SPA17: variants seen among roughly 807,000 people sequenced by gnomAD.
SPA17 encodes sperm autoantigenic protein 17.
A neutral mutation model predicts 13.8 loss-of-function variants in SPA17; 7 were observed. The observed-to-expected ratio is 0.51, with a 90% CI of 0.29 to 0.95. The LOEUF is 0.95. Ranked by LOEUF, SPA17 falls within the 40% of genes least tolerant of loss-of-function variation. The pLI is 0.08. For missense variants in SPA17, 170 were observed against 179.3 expected (o/e 0.95, Z 0.30); for synonymous variants, 61 against 59.0 (o/e 1.03, Z -0.16).
intron 4 of SPA17, among the ~76,000 whole-genome samples, chr11:124,693,562 A>G (rs1405370725): frequency 1.3e-5 from 2 of 152,152 alleles, no homozygotes; most frequent in Non-Finnish European, 2.9e-5. Context: ...CTCAACTCAT[A>G]ATAATGGGTA....
At chr11:124,680,198 G>A (rs904332758) in intron 2 of SPA17, among the ~76,000 whole-genome samples, 5 of 152,062 alleles carry the variant, frequency 3.3e-5, no homozygotes, top group African/African-American at 1.2e-4. Context: ...GATCATCAGG[G>A]GGCCGATAAA....
At chr11:124,688,497 T>TA (rs1943596007) in intron 3 of SPA17, among the ~76,000 whole-genome samples, 2 of 152,044 alleles carry the variant, frequency 1.3e-5, no homozygotes, top group Non-Finnish European at 1.5e-5. Flanking sequence ...ATAATAGCTT[T>TA]AAAAAACACA....
chr11:124,690,984 T>C (rs1393081682), intron 3 of SPA17, among the ~76,000 whole-genome samples: 1 of 152,234 alleles, frequency 6.6e-6, no homozygotes, highest in African/African-American at 2.4e-5. Context: ...TTTATCGAAG[T>C]CAAAGGAATA....
At chr11:124,687,096 G>A (rs1943584652) in intron 3 of SPA17, among the ~76,000 whole-genome samples, 2 of 152,154 alleles carry the variant, frequency 1.3e-5, no homozygotes, top group South Asian at 4.1e-4. Flanking sequence ...AAATGAAAAA[G>A]AAGACGTTAC....
intron 2 of SPA17, among the ~76,000 whole-genome samples, chr11:124,677,847 C>T (rs781071179): frequency 2.0e-5 from 3 of 152,160 alleles, no homozygotes; most frequent in Non-Finnish European, 4.4e-5. Flanking sequence ...AAACAATTCA[C>T]ACAAAAATGA....
rs1397670128 is a variant in SPA17 at position 124,696,120 on chromosome 11, G to C, written c.*1674G>C. ...TGCCACTGTAGAGAGTTTCATGCTA[G>C]CTAAACACAAGTCTCTAATATCCCC... On this transcript the variant is annotated 3_prime_UTR_variant, in exon 5 of 5. Transcript: ENST00000227135. 1.3e-5 allele frequency: 2 copies of C among 152,308 alleles called. No individual in the cohort carries two copies. The highest frequency in any genetic ancestry group is 3.9e-4 in the East Asian group (2 of 5,184). The allele number at this position is 152,308 out of a possible 1,614,324, so 9.4% of individuals were successfully genotyped here.
intron 4 of SPA17, among the ~76,000 whole-genome samples, chr11:124,693,512 A>G (rs969179932): frequency 2.6e-5 from 4 of 152,068 alleles, no homozygotes; most frequent in African/African-American, 9.7e-5. Flanking sequence ...ACCCATATGA[A>G]TATATTTGCA....
chr11:124,675,438 T>C lies in SPA17; in HGVS notation c.154+20T>C. 1 of 1,600,348 alleles carries C rather than the reference T, an allele frequency of 6.2e-7. No individual in the cohort carries two copies. Among genetic ancestry groups the C allele is most frequent in the Non-Finnish European group, 8.5e-7 (1 of 1,175,968 alleles). ...GAGAGAGTAAGCTTTCTAAAATTAG[T>C]CATTTTTTAAAATAAGAAACTAAGC... On this transcript the variant is annotated intron_variant, in intron 2 of 4. Coordinates refer to ENST00000227135, the MANE Select transcript of SPA17 (RefSeq NM_017425.4).
At chr11:124,689,724 C>T (rs1054646654) in intron 3 of SPA17, among the ~76,000 whole-genome samples, 3 of 150,796 alleles carry the variant, frequency 2.0e-5, no homozygotes, top group African/African-American at 7.3e-5. Context: ...CTGTAGTGCA[C>T]TCCAGCCTGG....
At chr11:124,685,734 G>A (rs1943572460) in intron 3 of SPA17, among the ~76,000 whole-genome samples, 1 of 152,178 alleles carries the variant, frequency 6.6e-6, no homozygotes, top group African/African-American at 2.4e-5. Flanking sequence ...CCATGGATTT[G>A]AGACATGGAC....
At position 124,696,165 on chromosome 11, in the gene SPA17, C is replaced by A. The variant is rs368169895; in HGVS notation, c.*1719C>A. 1 of 152,264 alleles carries A rather than the reference C, an allele frequency of 6.6e-6. No homozygotes were observed. Among genetic ancestry groups the A allele is most frequent in the South Asian group, 2.1e-4 (1 of 4,814 alleles). The allele number at this position is 152,264 out of a possible 1,614,324, so 9.4% of individuals were successfully genotyped here. A position where few individuals can be genotyped will look rare whatever the true frequency, so the allele number is the denominator to read the frequency against. On this transcript the variant is annotated 3_prime_UTR_variant, in exon 5 of 5. Coordinates refer to ENST00000227135, the MANE Select transcript of SPA17 (RefSeq NM_017425.4). ...ATCCCCCTTCCTCTCCTCCTTAACC[C>A]CTCTCCTCCAGGCTTACAGAGGAAA...
At chr11:124,680,795 A>G (rs952822532) in intron 2 of SPA17, among the ~76,000 whole-genome samples, 2 of 152,056 alleles carry the variant, frequency 1.3e-5, no homozygotes, top group Non-Finnish European at 2.9e-5. Context: ...TCAGAAGAAA[A>G]GGTTATAAAT....
chr11:124,687,310 C>G (rs563211856), intron 3 of SPA17, among the ~76,000 whole-genome samples: 4 of 151,724 alleles, frequency 2.6e-5, no homozygotes, highest in Non-Finnish European at 1.5e-5. Context: ...CCCACCCCAA[C>G]ACCACCAAAA....
intron 2 of SPA17, among the ~76,000 whole-genome samples, chr11:124,678,974 G>A (rs1012528145): frequency 6.6e-6 from 1 of 151,884 alleles, no homozygotes; most frequent in Non-Finnish European, 1.5e-5. Flanking sequence ...CTTGAATTTC[G>A]AATCATAAAA....
intron 3 of SPA17, among the ~76,000 whole-genome samples, chr11:124,682,823 T>C (rs1319273155): frequency 6.6e-6 from 1 of 151,046 alleles, no homozygotes; most frequent in African/African-American, 2.4e-5. Flanking sequence ...AATGCAATAA[T>C]AGATGAAGAC....
chr11:124,674,643 G>A, intron 1 of SPA17: 1 of 152,156 alleles, frequency 6.6e-6, no homozygotes, highest in Non-Finnish European at 1.5e-5. Context: ...TTAGAGGCTG[G>A]GATTTCAAAA....
At chr11:124,679,641 A>G (rs1943507206) in intron 2 of SPA17, among the ~76,000 whole-genome samples, 1 of 152,240 alleles carries the variant, frequency 6.6e-6, no homozygotes, top group Non-Finnish European at 1.5e-5. Flanking sequence ...GTGAGCACCC[A>G]GCTTCCAGGT....
At position 124,696,133 on chromosome 11, in the gene SPA17, C is replaced by T. The variant is rs562337544; in HGVS notation, c.*1687C>T. On this transcript the variant is annotated 3_prime_UTR_variant, in exon 5 of 5. Coordinates refer to ENST00000227135, the MANE Select transcript of SPA17 (RefSeq NM_017425.4). ...AGTTTCATGCTAGCTAAACACAAGT[C>T]TCTAATATCCCCCTTCCTCTCCTCC... 2.6e-5 allele frequency: 4 copies of T among 152,380 alleles called. No homozygotes were observed. The East Asian group carries it at 7.7e-4, about 29-fold the overall frequency. 9.4% of individuals were successfully genotyped at this position (152,380 alleles called of 1,614,324 possible).
rs1943666464 is a variant in SPA17, at chr11:124,695,819, T to C, written c.*1373T>C. On this transcript the variant is annotated 3_prime_UTR_variant, in exon 5 of 5. Coordinates refer to ENST00000227135, the MANE Select transcript of SPA17 (RefSeq NM_017425.4). ...CCAGGATGGCTCAGTCCTGAGGAGA[T>C]TCTAAAACCAGGTCTATGTTGTCAC... 6.6e-6 allele frequency: 1 copy of C among 152,220 alleles called. No homozygotes were observed. Among genetic ancestry groups the C allele is most frequent in the African/African-American group, 2.4e-5 (1 of 41,442 alleles). 9.4% of individuals were successfully genotyped at this position (152,220 alleles called of 1,614,324 possible). A position where few individuals can be genotyped will look rare whatever the true frequency, so the allele number is the denominator to read the frequency against.
Sources: allele counts gnomAD v4.1 joint callset (sites outside exome capture counted in the v4.1 genomes callset), GRCh38; gene constraint gnomAD v4.1.1; transcripts MANE v1.5; gene names NCBI Gene and HGNC (gene_info 2026-07-23, HGNC 2026-07-21).